Variants in NTRK2 observed in about 807,000 individuals in gnomAD.
NTRK2 encodes BDNF/NT-3 growth factors receptor.
A neutral mutation model predicts 94.5 loss-of-function variants in NTRK2; 13 were observed. The ratio of observed to expected loss-of-function variants is 0.14; its 90% confidence interval spans 0.09 to 0.22. The LOEUF is 0.22. Among genes scored for constraint, NTRK2 ranks in the 10% least tolerant of loss-of-function variants. The pLI, the probability that NTRK2 is intolerant of heterozygous loss-of-function variation, is 1.00. For synonymous variants in NTRK2, 372 were observed against 407.4 expected (o/e 0.91, Z 1.05); for missense variants, 639 against 1,071.2 (o/e 0.60, Z 5.63).
At chr9:84,759,135 C>A (rs2065324842) in intron 12 of NTRK2, among the ~76,000 whole-genome samples, 1 of 152,142 alleles carries the variant, frequency 6.6e-6, no homozygotes, top group Non-Finnish European at 1.5e-5. Flanking sequence ...AGTAAGGTAA[C>A]AAAATGAAAA....
At chr9:84,715,025 T>C (rs1229952745) in intron 6 of NTRK2, among the ~76,000 whole-genome samples, 2 of 152,202 alleles carry the variant, frequency 1.3e-5, no homozygotes, top group Non-Finnish European at 2.9e-5. Context: ...AAGTTTCCCT[T>C]GTTAGTATTT....
intron 14 of NTRK2, among the ~76,000 whole-genome samples, chr9:84,870,322 T>G (rs12379610): frequency 1.8e-3 from 94 of 51,124 alleles, no homozygotes; most frequent in Non-Finnish European, 2.1e-3. Context: ...ATATGTGGGG[T>G]GTGTGTGTGT....
chr9:84,906,166 G>T (rs1400617301), intron 14 of NTRK2, among the ~76,000 whole-genome samples: 2 of 152,156 alleles, frequency 1.3e-5, no homozygotes, highest in Non-Finnish European at 2.9e-5. Context: ...TAGCTGTAGT[G>T]TGAGGGAATG....
intron 14 of NTRK2, among the ~76,000 whole-genome samples, chr9:84,928,548 A>G (rs1489230203): frequency 1.3e-5 from 2 of 152,192 alleles, no homozygotes; most frequent in African/African-American, 4.8e-5. Context: ...AGTATGAATC[A>G]GTGTCCTCTA....
At chr9:84,676,259 C>T (rs563409430) in intron 2 of NTRK2, among the ~76,000 whole-genome samples, 30 of 152,122 alleles carry the variant, frequency 2.0e-4, no homozygotes, top group African/African-American at 6.0e-4. Context: ...GCCTCGGTCA[C>T]GGAGATAAGG....
intron 17 of NTRK2, among the ~76,000 whole-genome samples, chr9:84,982,610 C>A: frequency 6.6e-6 from 1 of 152,302 alleles, no homozygotes; most frequent in South Asian, 2.1e-4. Context: ...CTTCATTTAG[C>A]TTTATTTTAG....
intron 12 of NTRK2, chr9:84,812,870 T>C (rs1485578018): frequency 9.7e-7 from 1 of 1,033,924 alleles, no homozygotes; most frequent in African/African-American, 1.7e-5. Context: ...ATTTAATATA[T>C]CAAAGATCAG....
chr9:85,020,310 G>A lies in NTRK2; in HGVS notation c.2277G>A (p.Leu759=), dbSNP rs201008868. ...ACGTCTGGAGCCTGGGGGTCGTGTT[G>A]TGGGAGATTTTCACCTATGGCAAAC... ...ESDVWSLGVV[L]WEIFTYGKQP... The change falls in exon 18 of 19, where the codon TTG becomes TTA. Residue 759 remains leucine (L), a synonymous_variant. Coordinates refer to ENST00000277120, the MANE Select transcript of NTRK2 (RefSeq NM_006180.6). 3.8e-5 allele frequency: 62 copies of A among 1,614,050 alleles called. No homozygotes were observed. The highest frequency in any genetic ancestry group is 5.0e-5 in the Non-Finnish European group (59 of 1,180,030).
intron 12 of NTRK2, among the ~76,000 whole-genome samples, chr9:84,792,580 A>C (rs904351717): frequency 6.6e-6 from 1 of 152,218 alleles, no homozygotes; most frequent in African/African-American, 2.4e-5. Context: ...TATGAGTTTG[A>C]GCCATATGAA....
intron 17 of NTRK2, among the ~76,000 whole-genome samples, chr9:84,995,726 G>A (rs1829674999): frequency 6.6e-6 from 1 of 152,208 alleles, no homozygotes; most frequent in Non-Finnish European, 1.5e-5. Flanking sequence ...CATGGAATAT[G>A]TGTTGGTTGT....
intron 14 of NTRK2, among the ~76,000 whole-genome samples, chr9:84,915,644 A>G (rs1044973185): frequency 1.3e-5 from 2 of 152,136 alleles, no homozygotes; most frequent in African/African-American, 4.8e-5. Context: ...AGCCTCAGGT[A>G]TTTCTTTATA....
intron 5 of NTRK2, among the ~76,000 whole-genome samples, 182 bp from the exon 6 acceptor site, chr9:84,710,455 G>C (rs1247848485): frequency 6.6e-6 from 1 of 152,134 alleles, no homozygotes; most frequent in African/African-American, 2.4e-5. Context: ...TCTGCATATA[G>C]GAGATGCTCC....
At chr9:84,835,139 G>A (rs751344373) in intron 12 of NTRK2, among the ~76,000 whole-genome samples, 8 of 152,116 alleles carry the variant, frequency 5.3e-5, no homozygotes, top group East Asian at 3.9e-4. Context: ...AAATCCAGAC[G>A]TTTTATCTGG....
intron 14 of NTRK2, chr9:84,874,154 T>C: frequency 9.4e-7 from 1 of 1,065,068 alleles, no homozygotes; most frequent in Non-Finnish European, 1.1e-6. Flanking sequence ...GGTTTCGGAT[T>C]GGCCACTCTT....
chr9:84,918,220 A>G (rs536390023), intron 14 of NTRK2, among the ~76,000 whole-genome samples: 1 of 152,174 alleles, frequency 6.6e-6, no homozygotes, highest in Non-Finnish European at 1.5e-5. Context: ...AGGAACCAAG[A>G]CTCCAACAGC....
chr9:84,915,904 T>G (rs1224408247), intron 14 of NTRK2, among the ~76,000 whole-genome samples: 3 of 152,102 alleles, frequency 2.0e-5, no homozygotes, highest in Non-Finnish European at 4.4e-5. Context: ...ACTAGAGAAG[T>G]GTCCTGCTCA....
At chr9:84,785,319 G>A (rs1038418651) in intron 12 of NTRK2, among the ~76,000 whole-genome samples, 2 of 152,188 alleles carry the variant, frequency 1.3e-5, no homozygotes, top group Non-Finnish European at 2.9e-5. Flanking sequence ...GAAATAGGCT[G>A]TACCAGTCTG....
At chr9:84,830,123 A>G (rs1587557226) in intron 12 of NTRK2, among the ~76,000 whole-genome samples, 1 of 152,144 alleles carries the variant, frequency 6.6e-6, no homozygotes, top group African/African-American at 2.4e-5. Flanking sequence ...ATTCATGTAG[A>G]CTTATGCTAA....
intron 12 of NTRK2, among the ~76,000 whole-genome samples, chr9:84,778,710 C>T (rs1348906771): frequency 2.6e-5 from 4 of 152,236 alleles, no homozygotes; most frequent in Middle Eastern, 3.2e-3. Flanking sequence ...CCACACACTG[C>T]AGCTTCAGTG....
Sources: gnomAD v4.1 joint callset for allele counts (sites outside exome capture counted in the v4.1 genomes callset) on GRCh38, gnomAD v4.1.1 for gene constraint, MANE v1.5 for transcripts, NCBI Gene and HGNC (gene_info 2026-07-23, HGNC 2026-07-21) for gene names.